TDO2: variants seen among roughly 807,000 people sequenced by gnomAD.
TDO2 encodes tryptophan 2,3-dioxygenase.
A neutral mutation model predicts 61.2 loss-of-function variants in TDO2; 63 were observed. That is an observed-to-expected ratio of 1.03 (90% CI 0.84 to 1.27). The LOEUF (loss-of-function observed/expected upper bound fraction) is 1.27, where lower values mean the gene tolerates loss of function less well. Among genes scored for constraint, TDO2 ranks in the 50% most tolerant of loss-of-function variants. The pLI, the probability that TDO2 is intolerant of heterozygous loss-of-function variation, is 0.00. For synonymous variants in TDO2, 183 were observed against 164.0 expected (o/e 1.12, Z -0.89); for missense variants, 494 against 469.5 (o/e 1.05, Z -0.48).
chr4:155,918,385 C>A, intron 11 of TDO2, 146 bp downstream of exon 11: 1 of 663,080 alleles, frequency 1.5e-6, no homozygotes, highest in South Asian at 1.9e-5. Flanking sequence ...TATTCCAGTT[C>A]AGACTTTTGG....
intron 7 of TDO2, among the ~76,000 whole-genome samples, chr4:155,913,492 C>G (rs1221081629): frequency 2.0e-5 from 3 of 152,058 alleles, no homozygotes; most frequent in Non-Finnish European, 2.9e-5. Context: ...CTCCTTATTA[C>G]TTTAAGTTAT....
In TDO2 at chr4:155,916,051, T is replaced by G. The variant is rs1742926549; in HGVS notation, c.896+139T>G. On this transcript the variant is annotated intron_variant, in intron 9 of 11. Coordinates refer to ENST00000536354, the MANE Select transcript of TDO2 (RefSeq NM_005651.4). ...TGTAGAAAACTTGGAAGATAATTAG[T>G]AATGAAGTTTTATGCCCCCGTCCCT... 2.0e-5 allele frequency: 14 copies of G among 692,130 alleles called. No homozygotes were observed. The East Asian group carries it at 4.4e-4, about 22-fold the overall frequency. The allele number at this position is 692,130 out of a possible 1,614,324, so 42.9% of individuals were successfully genotyped here.
intron 8 of TDO2, among the ~76,000 whole-genome samples, chr4:155,914,881 T>C (rs1742903456): frequency 6.6e-6 from 1 of 152,182 alleles, no homozygotes; most frequent in African/African-American, 2.4e-5. Flanking sequence ...TATGATCTCA[T>C]ATTCATGTGG....
At chr4:155,916,257 T>A (rs1486126692) in intron 9 of TDO2, among the ~76,000 whole-genome samples, 5 of 135,068 alleles carry the variant, frequency 3.7e-5, no homozygotes, top group East Asian at 4.5e-4. Flanking sequence ...AAGCTCCGCC[T>A]CCCGGGTTCA....
rs780718613 is a variant in TDO2 at position 155,908,921 on chromosome 4, C to T, written c.338C>T (p.Ser113Phe). The T allele has an allele frequency of 6.2e-7, 1 of 1,612,714 alleles. No individual in the cohort carries two copies. The highest frequency in any genetic ancestry group is 1.7e-5 in the Admixed American group (1 of 59,782). ...RDERNMLKVV[S>F]RMHRVSVILK... ...GAAAGGAACATGCTTAAGGTTGTTTCTCGGATGCACCGAGTGTCAGTGATC... is the reference window on the plus strand; with the variant it reads ...GAAAGGAACATGCTTAAGGTTGTTTTTCGGATGCACCGAGTGTCAGTGATC... The change falls in exon 5 of 12, where the codon TCT becomes TTT. Residue 113 changes from serine (S) to phenylalanine (F), a missense_variant. By Grantham distance (155) the Ser-to-Phe change is radical (BLOSUM62 -2). Transcript: ENST00000536354.
chr4:155,908,592 A>G (rs1742761838), intron 4 of TDO2, among the ~76,000 whole-genome samples: 1 of 152,210 alleles, frequency 6.6e-6, no homozygotes, highest in Non-Finnish European at 1.5e-5. Flanking sequence ...GTTCTTTGAA[A>G]CAAAACTAAA....
At chr4:155,912,303 A>G (rs1742848829) in intron 7 of TDO2, among the ~76,000 whole-genome samples, 1 of 152,168 alleles carries the variant, frequency 6.6e-6, no homozygotes, top group African/African-American at 2.4e-5. Flanking sequence ...TATTATGAAC[A>G]GGAAATTAAA....
At chr4:155,915,480 T>G (rs955173984) in intron 8 of TDO2, among the ~76,000 whole-genome samples, 1 of 152,218 alleles carries the variant, frequency 6.6e-6, no homozygotes, top group African/African-American at 2.4e-5. Context: ...TAATGAAAAC[T>G]ACTTTGAAAT....
rs779120590 is a variant in TDO2, at chr4:155,903,715, C to T, written c.-44C>T. ...CTGGGAAGGTCAATGATAGCATCTG[C>T]CTAGAGTCAAACCTCCGTGCTTCTC... On this transcript the variant is annotated 5_prime_UTR_variant, in exon 1 of 12. Coordinates refer to ENST00000536354, the MANE Select transcript of TDO2 (RefSeq NM_005651.4). 11 of 1,612,886 alleles carry T rather than the reference C, an allele frequency of 6.8e-6. No homozygotes were observed. The highest frequency in any genetic ancestry group is 6.8e-6 in the Non-Finnish European group (8 of 1,179,042).
At chr4:155,908,749 CTT>C in intron 4 of TDO2, 136 bp from the exon 5 acceptor site, 3 of 1,075,568 alleles carry the variant, frequency 2.8e-6, no homozygotes, top group Non-Finnish European at 3.9e-6. Context: ...GTTATATACT[CTT>C]TGCAAATTTT....
chr4:155,907,660 A>G (rs1742741851), intron 3 of TDO2, 62 bp from the exon 4 acceptor site: 5 of 1,049,998 alleles, frequency 4.8e-6, no homozygotes, highest in Non-Finnish European at 7.3e-6. Flanking sequence ...CATATCTTTC[A>G]TATAATAATG....
chr4:155,905,188 C>T, intron 3 of TDO2, 31 bp downstream of exon 3: 1 of 1,457,658 alleles, frequency 6.9e-7, no homozygotes. Context: ...GGACAATATT[C>T]CACAGGCATT....
intron 6 of TDO2, 68 bp from the exon 7 acceptor site, chr4:155,911,429 C>A: frequency 9.0e-7 from 1 of 1,105,908 alleles, no homozygotes; most frequent in Non-Finnish European, 1.3e-6. Context: ...TAAGTTTATA[C>A]ATGTCGGTTA....
chr4:155,909,949 C>A (rs182363177), intron 5 of TDO2, 76 bp from the exon 6 acceptor site: 7 of 135,612 alleles, frequency 5.2e-5, no homozygotes, highest in African/African-American at 2.0e-4. Context: ...CCCCTCCCCC[C>A]CCTTTCTCTT....
Position 155,911,515 on chromosome 4 carries a change from C to T in TDO2, c.637C>T (p.Pro213Ser). 1 of 1,598,490 alleles carries T rather than the reference C, an allele frequency of 6.3e-7. No homozygotes were observed. Among genetic ancestry groups the T allele is most frequent in the Non-Finnish European group, 8.5e-7 (1 of 1,171,124 alleles). ...ATTTAAGGCATGGCTGGAAAGAACT[C>T]CAGGTTTAGAGCCACATGGATTTAA... Reference protein sequence around the residue: ...ELVEAWLERTPGLEPHGFNFW... With the variant: ...ELVEAWLERTSGLEPHGFNFW... The change falls in exon 7 of 12, where the codon CCA becomes TCA. Residue 213 changes from proline (P) to serine (S), a missense_variant. By Grantham distance (74) the Pro-to-Ser change is moderately conservative (BLOSUM62 -1). Transcript: ENST00000536354.
chr4:155,915,533 A>G (rs578107249), intron 8 of TDO2, among the ~76,000 whole-genome samples: 2 of 152,358 alleles, frequency 1.3e-5, no homozygotes, highest in African/African-American at 4.8e-5. Flanking sequence ...TGAAAGACAC[A>G]TATTCTTTTA....
chr4:155,911,617 CAT>C lies in TDO2; in HGVS notation c.726+14_726+15del. The C allele has an allele frequency of 1.4e-6, 2 of 1,407,760 alleles. No individual in the cohort carries two copies. Among genetic ancestry groups the C allele is most frequent in the Non-Finnish European group, 1.9e-6 (2 of 1,047,790 alleles). The allele number at this position is 1,407,760 out of a possible 1,614,324, so 87.2% of individuals were successfully genotyped here. ...CATAAGGATTCAGGTATTTAGATGA[CAT>C]GAGTTAATATAAATTCAATACAGAA... On this transcript the variant is annotated intron_variant, in intron 7 of 11. Transcript: ENST00000536354.
At chr4:155,914,276 T>C in intron 7 of TDO2, 47 bp from the exon 8 acceptor site, 2 of 1,409,968 alleles carry the variant, frequency 1.4e-6, no homozygotes, top group Non-Finnish European at 1.9e-6. Flanking sequence ...AAAATATCAA[T>C]CTACTTATTC....
At chr4:155,905,267 T>G in intron 3 of TDO2, 110 bp downstream of exon 3, 1 of 820,754 alleles carries the variant, frequency 1.2e-6, no homozygotes, top group Non-Finnish European at 1.9e-6. Context: ...GAATCACCTC[T>G]GTTAGAAATG....
Sources: allele counts gnomAD v4.1 joint callset (sites outside exome capture counted in the v4.1 genomes callset), GRCh38; gene constraint gnomAD v4.1.1; transcripts MANE v1.5; gene names NCBI Gene and HGNC (gene_info 2026-07-23, HGNC 2026-07-21).